FANCC: variants seen among roughly 807,000 people sequenced by gnomAD.
The protein encoded by FANCC is Fanconi anemia group C protein.
In FANCC, 55 loss-of-function variants were observed where a neutral mutation model predicts 71.3. That is an observed-to-expected ratio of 0.77 (90% CI 0.62 to 0.97). FANCC has a LOEUF of 0.97. FANCC is among the 50% of genes least tolerant of loss of function. FANCC has a pLI of 0.00. For synonymous variants in FANCC, 275 were observed against 244.9 expected, an observed-to-expected ratio of 1.12 and a Z score of -1.15; for missense variants, 678 against 670.9, an observed-to-expected ratio of 1.01 and a Z score of -0.12.
At chr9:95,236,745 TTA>T (rs1393679778) in intron 4 of FANCC, among the ~76,000 whole-genome samples, 1 of 152,210 alleles carries the variant, frequency 6.6e-6, no homozygotes, top group East Asian at 1.9e-4. Flanking sequence ...ACCCAAGATT[TTA>T]TTACCACAAT....
chr9:95,264,417 T>C (rs1832259733), intron 1 of FANCC, among the ~76,000 whole-genome samples: 1 of 152,204 alleles, frequency 6.6e-6, no homozygotes, highest in Non-Finnish European at 1.5e-5. Flanking sequence ...TCCAAGATTG[T>C]TAACATTTAA....
chr9:95,289,606 T>C (rs1341057443), intron 1 of FANCC, among the ~76,000 whole-genome samples: 1 of 152,216 alleles, frequency 6.6e-6, no homozygotes, highest in Non-Finnish European at 1.5e-5. Flanking sequence ...TATTGTTCAT[T>C]CAAATTTTTA....
chr9:95,239,816 G>A (rs558104591), intron 4 of FANCC, among the ~76,000 whole-genome samples: 4 of 152,158 alleles, frequency 2.6e-5, no homozygotes, highest in Non-Finnish European at 5.9e-5. Context: ...TGAATGTAAC[G>A]ATATCACCAG....
intron 4 of FANCC, among the ~76,000 whole-genome samples, chr9:95,218,807 G>A (rs890954143): frequency 3.9e-5 from 6 of 152,132 alleles, no homozygotes; most frequent in Non-Finnish European, 4.4e-5. Context: ...GGCCCTCTCC[G>A]TTCATCCATG....
At chr9:95,242,740 C>A (rs532137417) in intron 3 of FANCC, among the ~76,000 whole-genome samples, 79 of 152,266 alleles carry the variant, frequency 5.2e-4, no homozygotes, top group African/African-American at 1.9e-3. Flanking sequence ...CACTGAAATG[C>A]ACTGCTAATG....
At chr9:95,264,106 C>A (rs1169862387) in intron 1 of FANCC, among the ~76,000 whole-genome samples, 1 of 152,170 alleles carries the variant, frequency 6.6e-6, no homozygotes, top group African/African-American at 2.4e-5. Flanking sequence ...ATAGTTGAGG[C>A]AATGAAGGAG....
intron 4 of FANCC, among the ~76,000 whole-genome samples, chr9:95,195,244 C>A (rs1237935721): frequency 5.2e-5 from 3 of 58,242 alleles, no homozygotes; most frequent in South Asian, 6.7e-4. Flanking sequence ...AGTTCCAGAG[C>A]CTTTTTTTTT....
At chr9:95,310,829 T>C (rs2136417544) in intron 1 of FANCC, among the ~76,000 whole-genome samples, 1 of 152,176 alleles carries the variant, frequency 6.6e-6, no homozygotes, top group African/African-American at 2.4e-5. Flanking sequence ...AAAAAGAATA[T>C]ACCCTGAAGA....
At position 95,207,101 on chromosome 9, in the gene FANCC, T is replaced by C. The variant is rs201135879; in HGVS notation, c.345+33548A>G. ...AAGGTCAAGTCAGCTCAGCCAGAAATTGGCAGCCCAGCCTGGCTCAAAGGT... is the reference window on the plus strand; with the variant it reads ...AAGGTCAAGTCAGCTCAGCCAGAAACTGGCAGCCCAGCCTGGCTCAAAGGT... On this transcript the variant is annotated intron_variant, in intron 4 of 14. Transcript: ENST00000289081. Among the ~76,000 whole-genome samples the C allele has an allele frequency of 3.9e-5, 6 of 152,022 alleles. No homozygotes were observed. The East Asian group carries it at 5.8e-4, about 15-fold the overall frequency.
rs1027358273 is a variant in FANCC at position 95,101,773 on chromosome 9, G to T, written c.1611C>A (p.Gly537=). Residue 537 remains glycine, a synonymous_variant, in exon 15 of 15, where the codon GGC becomes GGA. Transcript: ENST00000289081. ...DQTLYRWNRL[G]IESPRSEKLA... ...GTTTTTCTGATCTAGGGCTTTCAAT[G>T]CCAAGACGATTCCATCTGTACAAGG... 3.1e-6 allele frequency: 5 copies of T among 1,614,102 alleles called. No homozygotes were observed. Among genetic ancestry groups the T allele is most frequent in the Non-Finnish European group, 4.2e-6 (5 of 1,180,016 alleles).
At chr9:95,244,381 CA>C (rs1423988367) in intron 3 of FANCC, among the ~76,000 whole-genome samples, 2 of 151,902 alleles carry the variant, frequency 1.3e-5, no homozygotes, top group Admixed American at 6.5e-5. Flanking sequence ...CTGGCACACA[CA>C]AAAAAACACT....
intron 9 of FANCC, 151 bp from the exon 10 acceptor site, chr9:95,125,336 A>C (rs1351638949): frequency 1.4e-6 from 1 of 702,704 alleles, no homozygotes; most frequent in African/African-American, 1.8e-5. Flanking sequence ...CCTTGTGTGA[A>C]AACAGGATAA....
At chr9:95,120,966 C>T (rs1362692505) in intron 10 of FANCC, among the ~76,000 whole-genome samples, 1 of 152,198 alleles carries the variant, frequency 6.6e-6, no homozygotes, top group Non-Finnish European at 1.5e-5. Flanking sequence ...TGGCCCCACA[C>T]TGCCTGCCTT....
chr9:95,115,961 CT>C (rs1222596695), intron 11 of FANCC, among the ~76,000 whole-genome samples: 39 of 152,352 alleles, frequency 2.6e-4, no homozygotes, highest in African/African-American at 8.9e-4. Context: ...AAAAACACTT[CT>C]TCAATCTGTG....
intron 3 of FANCC, among the ~76,000 whole-genome samples, chr9:95,245,579 T>C (rs1342822081): frequency 6.6e-6 from 1 of 151,616 alleles, no homozygotes; most frequent in Non-Finnish European, 1.5e-5. Context: ...ATTGTTACAG[T>C]TGATTTATTG....
At position 95,099,736 on chromosome 9, in the gene FANCC, G is replaced by T; in HGVS notation, c.*1971C>A. 1 of 232,638 alleles carries T rather than the reference G, an allele frequency of 4.3e-6. No homozygotes were observed. The highest frequency in any genetic ancestry group is 8.5e-6 in the Non-Finnish European group (1 of 117,708). 14.4% of individuals were successfully genotyped at this position (232,638 alleles called of 1,614,324 possible). A position where few individuals can be genotyped will look rare whatever the true frequency, so the allele number is the denominator to read the frequency against. On this transcript the variant is annotated 3_prime_UTR_variant, in exon 15 of 15. Transcript: ENST00000289081. The stretch of plus-strand genomic sequence containing the variant: ...GCTGCCCAGAAAGCACCACCGGCAA[G>T]GCCGCCTCCACCGCACCCGTGAGAG...
intron 13 of FANCC, chr9:95,111,115 C>T (rs995202941): frequency 1.4e-5 from 21 of 1,525,830 alleles, no homozygotes; most frequent in Non-Finnish European, 1.6e-5. Context: ...GCCGGCACAC[C>T]CCTCAGAACA....
chr9:95,311,709 C>CTTTGTGTG (rs147036059), intron 1 of FANCC, among the ~76,000 whole-genome samples: 66 of 144,592 alleles, frequency 4.6e-4, no homozygotes, highest in African/African-American at 1.6e-3. Context: ...TCCTCTGAAT[C>CTTTGTGTG]TGTGTGTGTG....
chr9:95,106,703 C>A (rs1338069138), intron 14 of FANCC, among the ~76,000 whole-genome samples: 2 of 152,162 alleles, frequency 1.3e-5, no homozygotes, highest in African/African-American at 4.8e-5. Flanking sequence ...GCTTTGCGAG[C>A]CCATTCTCAT....
Sources: gnomAD v4.1 joint callset for allele counts (sites outside exome capture counted in the v4.1 genomes callset) on GRCh38, gnomAD v4.1.1 for gene constraint, MANE v1.5 for transcripts, NCBI Gene and HGNC (gene_info 2026-07-23, HGNC 2026-07-21) for gene names.